Variants in GLI4 observed in about 807,000 individuals in gnomAD.
GLI4 encodes GLI family zinc finger 4, also known as zinc finger protein GLI4.
A neutral mutation model predicts 30.9 loss-of-function variants in GLI4; 34 were observed. The observed-to-expected ratio is 1.10, with a 90% CI of 0.84 to 1.47. GLI4 has a LOEUF of 1.47. Ranked by LOEUF, GLI4 falls within the 40% of genes most tolerant of loss-of-function variation. The pLI, the probability that GLI4 is intolerant of heterozygous loss-of-function variation, is 0.00. For missense variants in GLI4, 696 were observed against 538.9 expected, an observed-to-expected ratio of 1.29 and a Z score of -2.89; for synonymous variants, 277 against 236.7, an observed-to-expected ratio of 1.17 and a Z score of -1.56.
chr8:143,275,364 C>T (rs1272796015), intron 3 of GLI4: 4 of 1,407,736 alleles, frequency 2.8e-6, no homozygotes, highest in African/African-American at 1.4e-5. Flanking sequence ...TGTCTGAGGT[C>T]AGGTCCCTGG....
chr8:143,275,464 G>A (rs1019440690), intron 3 of GLI4: 99 of 1,360,544 alleles, frequency 7.3e-5, no homozygotes, highest in East Asian at 1.4e-4. Context: ...GAGGCCTGGG[G>A]CAGCCCCATG....
At position 143,275,998 on chromosome 8, in the gene GLI4, C is replaced by T. The variant is rs1815376293; in HGVS notation, c.325C>T (p.Arg109Cys). The change falls in exon 4 of 4, where the codon CGC (arginine) becomes TGC (cysteine). Residue 109 changes from arginine to cysteine, a missense_variant. Physicochemically the swap from Arg to Cys is radical, Grantham distance 180. Coordinates refer to ENST00000340042, the MANE Select transcript of GLI4 (RefSeq NM_138465.4). The stretch of plus-strand genomic sequence containing the variant: ...GCGCAGCCTCCTGAGGAGCCTTCCC[C>T]GCAGGGCCCGGTGCAGCGCCGGCTT... ...ALRSLLRSLP[R>C]RARCSAGFGP... 9.2e-6 allele frequency: 13 copies of T among 1,408,246 alleles called. No individual in the cohort carries two copies. The highest frequency in any genetic ancestry group is 1.2e-5 in the Non-Finnish European group (13 of 1,083,894). 87.2% of individuals were successfully genotyped at this position (1,408,246 alleles called of 1,614,324 possible).
chr8:143,267,904 C>G, intron 1 of GLI4: 6 of 985,418 alleles, frequency 6.1e-6, no homozygotes, highest in Non-Finnish European at 7.2e-6. Context: ...TCCCACGGGG[C>G]TGGGAACAGA....
At chr8:143,274,908 C>G in intron 3 of GLI4, 106 bp downstream of exon 3, 1 of 1,483,816 alleles carries the variant, frequency 6.7e-7, no homozygotes, top group Non-Finnish European at 9.0e-7. Context: ...CACCCCCTTC[C>G]TGGGGCCCCT....
In GLI4 at chr8:143,276,306, C is replaced by T. The variant is rs146340863; in HGVS notation, c.633C>T (p.Tyr211=). The change falls in exon 4 of 4, where the codon TAC becomes TAT. Residue 211 remains tyrosine, a synonymous_variant. Transcript: ENST00000340042. ...HQRIHTGEKP[Y]ACHECGKRFR... is the part of the protein sequence containing the mutation. Reference sequence around the variant, plus strand: ...GCATCCACACGGGCGAGAAGCCCTACGCCTGCCACGAGTGCGGCAAGCGCT... The same window carrying T: ...GCATCCACACGGGCGAGAAGCCCTATGCCTGCCACGAGTGCGGCAAGCGCT... 3.9e-5 allele frequency: 63 copies of T among 1,611,820 alleles called. No individual in the cohort carries two copies. The Middle Eastern group carries it at 5.0e-4, about 13-fold the overall frequency.
Position 143,276,886 on chromosome 8 carries a change from C to T in GLI4, c.*82C>T. 1.2e-6 allele frequency: 1 copy of T among 814,096 alleles called. No individual in the cohort carries two copies. Among genetic ancestry groups the T allele is most frequent in the Non-Finnish European group, 1.9e-6 (1 of 529,924 alleles). 50.4% of individuals were successfully genotyped at this position (814,096 alleles called of 1,614,324 possible). A position where few individuals can be genotyped will look rare whatever the true frequency, so the allele number is the denominator to read the frequency against. ...GTCCCCCACGGTGGGCACTGCCCAG[C>T]ACCGCATGCCACGTGTCCGGAATAA... On this transcript the variant is annotated 3_prime_UTR_variant, in exon 4 of 4. Transcript: ENST00000340042.
chr8:143,275,109 T>G, intron 3 of GLI4: 1 of 1,535,678 alleles, frequency 6.5e-7, no homozygotes, highest in South Asian at 1.2e-5. Flanking sequence ...CCACCTGCCT[T>G]GGGCTGGGGC....
chr8:143,270,240 C>T (rs1350533225), intron 2 of GLI4, among the ~76,000 whole-genome samples: 1 of 152,244 alleles, frequency 6.6e-6, no homozygotes, highest in African/African-American at 2.4e-5. Context: ...GGTTCTCCCT[C>T]TTGGGGAGTC....
Position 143,276,072 on chromosome 8 carries a change from CG to C in GLI4, c.400del (p.Val134SerfsTer12). ...ERPAGQPPGA[V>X]PCAQPRGAWR... ...GGCCGGCGGGCCAGCCGCCTGGGGC[CG>C]TCCCTTGCGCCCAGCCGCGGGGCGC... On this transcript the variant is annotated frameshift_variant, in exon 4 of 4. Transcript: ENST00000340042. LOFTEE classifies it high-confidence loss of function. The C allele has an allele frequency of 7.1e-7, 1 of 1,401,054 alleles. No individual in the cohort carries two copies. Among genetic ancestry groups the C allele is most frequent in the Admixed American group, 3.6e-5 (1 of 27,478 alleles). 86.8% of individuals were successfully genotyped at this position (1,401,054 alleles called of 1,614,324 possible).
chr8:143,267,981 A>C (rs2129656212), intron 1 of GLI4: 1 of 985,224 alleles, frequency 1.0e-6, no homozygotes. Context: ...TGGAGCTCAG[A>C]GTTTGTGCGT....
Position 143,275,687 on chromosome 8 carries a change from C to G in GLI4, c.224-210C>G, listed in dbSNP as rs889410868. The G allele has an allele frequency of 4.0e-6, 5 of 1,241,082 alleles. No individual in the cohort carries two copies. The African/African-American group carries it at 7.7e-5, about 19-fold the overall frequency. The allele number at this position is 1,241,082 out of a possible 1,614,324, so 76.9% of individuals were successfully genotyped here. On this transcript the variant is annotated intron_variant, in intron 3 of 3. Coordinates refer to ENST00000340042, the MANE Select transcript of GLI4 (RefSeq NM_138465.4). ...GTCCCAGCAGCTCTGGGTCACCCTG[C>G]AACGCCCCCCACCCCTGTGTCTATG...
rs1479408536 is a variant in GLI4, at chr8:143,274,769, G to C, written c.190G>C (p.Glu64Gln). The C allele has an allele frequency of 6.4e-7, 1 of 1,570,776 alleles. No individual in the cohort carries two copies. The highest frequency in any genetic ancestry group is 1.2e-5 in the South Asian group (1 of 86,288). Reference protein sequence around the residue: ...PSDLDLQDVEEVEIGRDTFWP... With the variant: ...PSDLDLQDVEQVEIGRDTFWP... ...CGACCTGGATCTCCAAGACGTAGAGGAAGTGGAGATCGGCAGAGACACCTT... is the reference window on the plus strand; with the variant it reads ...CGACCTGGATCTCCAAGACGTAGAGCAAGTGGAGATCGGCAGAGACACCTT... The change falls in exon 3 of 4, where the codon GAA (glutamate) becomes CAA (glutamine). Residue 64 changes from glutamate to glutamine, a missense_variant. Transcript: ENST00000340042.
intron 3 of GLI4, chr8:143,275,485 C>T: frequency 7.6e-7 from 1 of 1,321,832 alleles, no homozygotes; most frequent in Non-Finnish European, 9.6e-7. Flanking sequence ...AGGAGCTGTG[C>T]CCATATGGAC....
At chr8:143,269,187 A>G (rs1295640361) in intron 1 of GLI4, among the ~76,000 whole-genome samples, 173 bp from the exon 2 acceptor site, 1 of 151,132 alleles carries the variant, frequency 6.6e-6, no homozygotes, top group Non-Finnish European at 1.5e-5. Flanking sequence ...AGGTCCCCCA[A>G]CTGCCTCACC....
At chr8:143,275,484 G>A (rs1815363360) in intron 3 of GLI4, 4 of 1,340,306 alleles carry the variant, frequency 3.0e-6, no homozygotes, top group African/African-American at 1.5e-5. Flanking sequence ...GAGGAGCTGT[G>A]CCCATATGGA....
At chr8:143,269,212 C>T (rs1388343707) in intron 1 of GLI4, 148 bp from the exon 2 acceptor site, 2 of 674,266 alleles carry the variant, frequency 3.0e-6, no homozygotes, top group Non-Finnish European at 5.3e-6. Context: ...GCCTATGTGT[C>T]TCTGTGGGTT....
At chr8:143,270,100 A>T (rs141053925) in intron 2 of GLI4, among the ~76,000 whole-genome samples, 3,391 of 152,330 alleles carry the variant, frequency 0.022, 72 homozygotes, top group South Asian at 0.037. Flanking sequence ...TGGGTGTTCC[A>T]CAGGAGGCCT....
At position 143,267,459 on chromosome 8, in the gene GLI4, C is replaced by T. The variant is rs998446861; in HGVS notation, c.-63C>T. On this transcript the variant is annotated 5_prime_UTR_variant, in exon 1 of 4. Transcript: ENST00000340042. ...CGGGGCCGGACACTTCCGTCCGGCG[C>T]GCGGCGTCCTCCTCCCGCTCGGAAG... 1 of 985,390 alleles carries T rather than the reference C, an allele frequency of 1.0e-6. No homozygotes were observed. The allele number at this position is 985,390 out of a possible 1,614,324, so 61.0% of individuals were successfully genotyped here. A position where few individuals can be genotyped will look rare whatever the true frequency, so the allele number is the denominator to read the frequency against.
chr8:143,273,686 A>G (rs1436078166), intron 2 of GLI4, among the ~76,000 whole-genome samples: 7 of 152,126 alleles, frequency 4.6e-5, no homozygotes, highest in Non-Finnish European at 8.8e-5. Flanking sequence ...GGGTGTGGAC[A>G]GGAGCCTCTG....
Sources: allele counts gnomAD v4.1 joint callset (sites outside exome capture counted in the v4.1 genomes callset), GRCh38; gene constraint gnomAD v4.1.1; transcripts MANE v1.5; gene names NCBI Gene and HGNC (gene_info 2026-07-23, HGNC 2026-07-21).